The following SETBP1 variants were observed in gnomAD, a reference collection of about 807,000 sequenced individuals.
The protein encoded by SETBP1 is SET binding protein 1, also known as SET-binding protein.
A neutral mutation model predicts 101.0 loss-of-function variants in SETBP1; 9 were observed. That is an observed-to-expected ratio of 0.09 (90% confidence interval 0.05 to 0.16). SETBP1 has a LOEUF of 0.16. Among genes scored for constraint, SETBP1 ranks in the 10% least tolerant of loss-of-function variants. SETBP1 has a pLI of 1.00. For missense variants in SETBP1, 1,858 were observed against 2,033.8 expected (o/e 0.91, Z 1.66); for synonymous variants, 818 against 788.5 (o/e 1.04, Z -0.63).
At chr18:44,900,919 C>A (rs1599296722) in intron 3 of SETBP1, among the ~76,000 whole-genome samples, 1 of 152,236 alleles carries the variant, frequency 6.6e-6, no homozygotes, top group East Asian at 1.9e-4. Flanking sequence ...CCAAGCCTTC[C>A]AATTCTAAGC....
chr18:44,962,498 C>T (rs1256719069), intron 4 of SETBP1, among the ~76,000 whole-genome samples: 1 of 152,110 alleles, frequency 6.6e-6, no homozygotes, highest in East Asian at 1.9e-4. Flanking sequence ...TACCAAGAAA[C>T]ATGCCTGTCC....
chr18:44,689,805 C>T (rs1253843358), intron 1 of SETBP1, among the ~76,000 whole-genome samples: 4 of 152,164 alleles, frequency 2.6e-5, no homozygotes, highest in African/African-American at 9.7e-5. Flanking sequence ...GAGAACAGTT[C>T]AGCATAGGGC....
At chr18:44,830,841 G>A (rs1426164345) in intron 2 of SETBP1, among the ~76,000 whole-genome samples, 2 of 152,178 alleles carry the variant, frequency 1.3e-5, no homozygotes, top group Non-Finnish European at 2.9e-5. Flanking sequence ...TTGAGAATTT[G>A]AATTGATTCC....
intron 2 of SETBP1, among the ~76,000 whole-genome samples, chr18:44,783,773 G>A (rs1405056042): frequency 2.6e-5 from 4 of 152,182 alleles, no homozygotes; most frequent in Non-Finnish European, 4.4e-5. Flanking sequence ...GAGTTAACTT[G>A]ACTTGTCCAA....
At chr18:44,865,607 A>G (rs2069111780) in intron 2 of SETBP1, among the ~76,000 whole-genome samples, 1 of 152,148 alleles carries the variant, frequency 6.6e-6, no homozygotes, top group Non-Finnish European at 1.5e-5. Context: ...CTTGGTGTGT[A>G]ATTTGTAGAC....
intron 4 of SETBP1, among the ~76,000 whole-genome samples, chr18:44,959,376 GC>G (rs1216306951): frequency 6.6e-6 from 1 of 152,192 alleles, no homozygotes; most frequent in African/African-American, 2.4e-5. Flanking sequence ...TAAAATTGTG[GC>G]CTAGGCTTGA....
chr18:44,887,072 G>T (rs910272545), intron 3 of SETBP1, among the ~76,000 whole-genome samples: 1 of 152,050 alleles, frequency 6.6e-6, no homozygotes, highest in African/African-American at 2.4e-5. Flanking sequence ...TTCTAAAATC[G>T]TGTGGTTCCT....
intron 2 of SETBP1, among the ~76,000 whole-genome samples, chr18:44,704,866 T>A (rs2069185986): frequency 6.6e-6 from 1 of 152,212 alleles, no homozygotes; most frequent in Admixed American, 6.5e-5. Flanking sequence ...TCTGGATCTA[T>A]TTTTATAAGT....
intron 2 of SETBP1, among the ~76,000 whole-genome samples, chr18:44,741,468 T>G (rs995105563): frequency 1.3e-5 from 2 of 152,186 alleles, no homozygotes; most frequent in African/African-American, 4.8e-5. Context: ...GGACCCCTTT[T>G]CCTTTTCGGT....
intron 3 of SETBP1, chr18:44,871,498 A>G (rs2069273264): frequency 6.6e-6 from 1 of 152,170 alleles, no homozygotes; most frequent in East Asian, 1.9e-4. Flanking sequence ...CAGCTTTTGC[A>G]TGGTGCCCAC....
intron 2 of SETBP1, among the ~76,000 whole-genome samples, chr18:44,723,561 C>A (rs904085899): frequency 6.6e-6 from 1 of 152,184 alleles, no homozygotes; most frequent in African/African-American, 2.4e-5. Context: ...AAAAATGAGA[C>A]AGGAGACTGA....
At chr18:44,779,190 G>A (rs929977815) in intron 2 of SETBP1, among the ~76,000 whole-genome samples, 1 of 152,232 alleles carries the variant, frequency 6.6e-6, no homozygotes, top group African/African-American at 2.4e-5. Context: ...TATCCACCGG[G>A]AGAAAATCAC....
rs1257090379 is a variant in SETBP1 at position 44,900,061 on chromosome 18, A to G, written c.540+30778A>G. 3.3e-5 allele frequency among the ~76,000 whole-genome samples: 5 copies of G among 152,204 alleles called. No individual in the cohort carries two copies. The East Asian group carries it at 9.6e-4, about 29-fold the overall frequency. ...TGTGTTGCAATAAAACTTTATTTAA[A>G]AAACAGGTGATACAATTTGCCAACC... is the stretch of plus-strand genomic sequence containing the variant. On this transcript the variant is annotated intron_variant, in intron 3 of 5. Transcript: ENST00000649279.
At position 45,009,354 on chromosome 18, in the gene SETBP1, A is replaced by G. The variant is rs2145368654; in HGVS notation, c.4001-29131A>G. Among the ~76,000 whole-genome samples, 2 of 150,650 alleles carry G rather than the reference A, an allele frequency of 1.3e-5. 1 individual carries two copies. Among genetic ancestry groups the G allele is most frequent in the Middle Eastern group, 6.8e-3 (2 of 294 alleles). On this transcript the variant is annotated intron_variant, in intron 4 of 5. Transcript: ENST00000649279. The stretch of plus-strand genomic sequence containing the variant: ...CGGATGCCTGTGGCCCAAAGCATGG[A>G]GCGGAGCTGCGTTTCCCCATGGTGG...
At chr18:44,895,849 T>C (rs2069890272) in intron 3 of SETBP1, among the ~76,000 whole-genome samples, 1 of 152,154 alleles carries the variant, frequency 6.6e-6, no homozygotes, top group Non-Finnish European at 1.5e-5. Context: ...AAATGACACT[T>C]TTTTTGCATT....
chr18:45,022,217 G>C (rs1054252346), intron 4 of SETBP1, among the ~76,000 whole-genome samples: 1 of 152,056 alleles, frequency 6.6e-6, no homozygotes, highest in African/African-American at 2.4e-5. Flanking sequence ...CAAACTCCAG[G>C]CACTATTCCC....
chr18:45,033,943 A>T (rs1305482905), intron 4 of SETBP1, among the ~76,000 whole-genome samples: 2 of 152,180 alleles, frequency 1.3e-5, no homozygotes, highest in Admixed American at 6.5e-5. Context: ...CCATCCCACA[A>T]AGATTTTTGT....
chr18:45,048,775 A>C (rs1199473965), intron 5 of SETBP1, among the ~76,000 whole-genome samples: 1 of 151,184 alleles, frequency 6.6e-6, no homozygotes, highest in Non-Finnish European at 1.5e-5. Flanking sequence ...GATCGAGACC[A>C]TCCTGGCTAA....
chr18:44,793,571 G>A (rs2144740115), intron 2 of SETBP1, among the ~76,000 whole-genome samples: 1 of 152,302 alleles, frequency 6.6e-6, no homozygotes, highest in East Asian at 1.9e-4. Context: ...CCCCCTGTGT[G>A]TTCTATTAAG....
Sources: allele counts gnomAD v4.1 joint callset (sites outside exome capture counted in the v4.1 genomes callset), GRCh38; gene constraint gnomAD v4.1.1; transcripts MANE v1.5; gene names NCBI Gene and HGNC (gene_info 2026-07-23, HGNC 2026-07-21).